PABIR3: variants seen among roughly 807,000 people sequenced by gnomAD.
The protein encoded by PABIR3 is PABIR family member 1.
PABIR3 carries 20 observed loss-of-function variants against 23.1 expected under a neutral mutation model. The ratio of observed to expected loss-of-function variants is 0.86; its 90% CI spans 0.61 to 1.26. The LOEUF is 1.26. Ranked by LOEUF, PABIR3 falls within the 50% of genes most tolerant of loss-of-function variation. PABIR3 has a pLI of 0.00. For missense variants in PABIR3, 189 were observed against 195.4 expected (o/e 0.97, Z 0.20); for synonymous variants, 69 against 68.5 (o/e 1.01, Z -0.04).
chrX:134,810,007 A>T, intron 2 of PABIR3: 1 of 754,494 alleles, frequency 1.3e-6, no homozygotes, highest in Non-Finnish European at 1.6e-6. Flanking sequence ...TTCACTCAGG[A>T]TTTTGCTCTA....
intron 4 of PABIR3, chrX:134,838,864 TC>T (rs961725589): frequency 9.1e-6 from 1 of 110,348 alleles, no homozygotes; most frequent in African/African-American, 3.4e-5. Flanking sequence ...TGACTGGTTT[TC>T]GTATTTTTTT....
At chrX:134,802,196 G>A (rs1326621510), upstream of PABIR3, among the ~76,000 whole-genome samples, 1 of 111,417 alleles carries the variant, frequency 9.0e-6, no homozygotes, top group African/African-American at 3.3e-5. Context: ...CGATTCTCCT[G>A]TGTCAGCCTC....
the PABIR3 span, among the ~76,000 whole-genome samples, chrX:134,861,047 C>T: frequency 2.7e-5 from 3 of 111,434 alleles, no homozygotes; most frequent in Non-Finnish European, 5.7e-5. Context: ...GAGGCTGAGG[C>T]GGGCGGATCA....
rs143891003 is a variant in PABIR3, at chrX:134,837,611, C to T, written c.247-7594C>T. On this transcript the variant is annotated intron_variant, in intron 4 of 10. Coordinates refer to ENST00000645433, the MANE Select transcript of PABIR3 (RefSeq NM_001388447.1). ...TACTCTGCTTCTTACAGTTATAATG[C>T]ATGGCTGTTGACCTTTTATACTTAT... Among the ~76,000 whole-genome samples the T allele has an allele frequency of 6.4e-3, 720 of 112,095 alleles. 2 individuals carry two copies. The highest frequency in any genetic ancestry group is 0.022 in the African/African-American group (692 of 30,921).
chrX:134,843,866 T>C (rs1198640058), intron 4 of PABIR3, among the ~76,000 whole-genome samples: 1 of 108,289 alleles, frequency 9.2e-6, no homozygotes, highest in Admixed American at 9.9e-5. Flanking sequence ...CGCGCCCGGC[T>C]TGAAGGCTTA....
downstream of PABIR3, among the ~76,000 whole-genome samples, chrX:134,856,271 C>T (rs1225636303): frequency 4.6e-5 from 5 of 108,935 alleles, no homozygotes; most frequent in South Asian, 8.3e-4. Flanking sequence ...CTGCAACCTC[C>T]GCCTCCCAGG....
intron 5 of PABIR3, 35 bp downstream of exon 5, chrX:134,845,283 T>C (rs1353899884): frequency 3.4e-6 from 4 of 1,179,823 alleles, no homozygotes; most frequent in Non-Finnish European, 4.6e-6. Flanking sequence ...ATTCTGATAA[T>C]TTGTATACTT....
chrX:134,835,136 C>A (rs957513221), intron 4 of PABIR3: 1 of 111,065 alleles, frequency 9.0e-6, no homozygotes. Context: ...TCTCGGCTCA[C>A]TGCAACGTCT....
At chrX:134,854,035 T>G in intron 10 of PABIR3, 56 bp from the exon 11 acceptor site, 1 of 1,168,719 alleles carries the variant, frequency 8.6e-7, no homozygotes, top group Non-Finnish European at 1.2e-6. Flanking sequence ...CAAAGCAGAG[T>G]ATACAGAGAG....
At chrX:134,862,275 C>T in the PABIR3 span, among the ~76,000 whole-genome samples, 1 of 106,871 alleles carries the variant, frequency 9.4e-6, no homozygotes, top group Non-Finnish European at 1.9e-5. Flanking sequence ...CTCAGCCTCC[C>T]GAGTAGCTGG....
At chrX:134,801,956 T>A (rs1473436054) in intron 1 of PABIR3, among the ~76,000 whole-genome samples, 1 of 109,515 alleles carries the variant, frequency 9.1e-6, no homozygotes, top group African/African-American at 3.3e-5. Flanking sequence ...ATGGTGGGAC[T>A]GGAAAACGAT....
chrX:134,821,496 A>C (rs2081293879), intron 3 of PABIR3: 1 of 1,152,222 alleles, frequency 8.7e-7, no homozygotes, highest in Non-Finnish European at 1.1e-6. Context: ...CTCAAGCCGG[A>C]TGTCACTGCG....
At chrX:134,864,522 AT>A in the PABIR3 span, among the ~76,000 whole-genome samples, 1 of 111,214 alleles carries the variant, frequency 9.0e-6, no homozygotes, top group Non-Finnish European at 1.9e-5. Context: ...TGTAGATTAG[AT>A]TTTCTTTTTA....
chrX:134,822,530 T>C lies in PABIR3; in HGVS notation c.190-6696T>C, dbSNP rs73568779. On this transcript the variant is annotated intron_variant, in intron 3 of 10. Coordinates refer to ENST00000645433, the MANE Select transcript of PABIR3 (RefSeq NM_001388447.1). ...CCTGCTGGTGTCATCAATTTCAGTC[T>C]ATCTTCTCATGATTTCCTGGATGAA... is the stretch of plus-strand genomic sequence containing the variant. The C allele has an allele frequency of 2.8e-3, 2,111 of 752,501 alleles. 39 individuals are homozygous for C. The African/African-American group carries it at 0.046, about 16-fold the overall frequency. 62.0% of individuals were successfully genotyped at this position (752,501 alleles called of 1,213,427 possible).
At chrX:134,829,725 T>C (rs2081677567) in intron 4 of PABIR3, among the ~76,000 whole-genome samples, 1 of 111,921 alleles carries the variant, frequency 8.9e-6, no homozygotes, top group Non-Finnish European at 1.9e-5. Flanking sequence ...TGTGCCCATG[T>C]GCACGCATGC....
At chrX:134,799,099 C>T (rs987653402) in intron 1 of PABIR3, among the ~76,000 whole-genome samples, 14 of 111,094 alleles carry the variant, frequency 1.3e-4, no homozygotes, top group Non-Finnish European at 1.5e-4. Flanking sequence ...TTAGGAAAAG[C>T]GTGAAAAGTT....
intron 3 of PABIR3, 136 bp downstream of exon 3, chrX:134,814,985 T>C (rs1204210790): frequency 2.2e-6 from 1 of 460,571 alleles, no homozygotes; most frequent in African/African-American, 2.5e-5. Context: ...ACCCCCAGGG[T>C]TTCTGATTAA....
At chrX:134,801,880 C>T (rs1603113931) in intron 1 of PABIR3, among the ~76,000 whole-genome samples, 1 of 106,168 alleles carries the variant, frequency 9.4e-6, no homozygotes. Flanking sequence ...CTGAGGGTTA[C>T]ATTTGTCTCA....
chrX:134,802,443 G>T (rs1473111186), upstream of PABIR3, among the ~76,000 whole-genome samples: 1 of 111,303 alleles, frequency 9.0e-6, no homozygotes, highest in Non-Finnish European at 1.9e-5. Context: ...CAGCGCTGGG[G>T]CCTTACGCTG....
Sources: allele counts gnomAD v4.1 joint callset (sites outside exome capture counted in the v4.1 genomes callset), GRCh38; gene constraint gnomAD v4.1.1; transcripts MANE v1.5; gene names NCBI Gene and HGNC (gene_info 2026-07-23, HGNC 2026-07-21).